Variants in TRPM3 observed in about 807,000 individuals in gnomAD.
TRPM3 encodes the protein long transient receptor potential channel 3.
TRPM3 carries 77 observed loss-of-function variants against 181.2 expected under a neutral mutation model. The ratio of observed to expected loss-of-function variants is 0.42; its 90% confidence interval spans 0.35 to 0.51. The LOEUF (loss-of-function observed/expected upper bound fraction) is 0.51. Ranked by LOEUF, TRPM3 falls within the 20% of genes least tolerant of loss-of-function variation. TRPM3 has a pLI of 0.01. For synonymous variants in TRPM3, 745 were observed against 796.4 expected, an observed-to-expected ratio of 0.94 and a Z score of 1.09; for missense variants, 1,759 against 2,196.7, an observed-to-expected ratio of 0.80 and a Z score of 3.98.
intron 5 of TRPM3, among the ~76,000 whole-genome samples, chr9:70,836,275 C>T (rs907059427): frequency 3.3e-5 from 5 of 152,084 alleles, no homozygotes; most frequent in East Asian, 1.9e-4. Flanking sequence ...TGTCCCATGT[C>T]CCTTTCTGCT....
At chr9:70,939,028 A>T (rs902008670) in intron 1 of TRPM3, among the ~76,000 whole-genome samples, 1 of 152,180 alleles carries the variant, frequency 6.6e-6, no homozygotes, top group Non-Finnish European at 1.5e-5. Flanking sequence ...TTCACTTTGC[A>T]TAATACAATA....
chr9:71,105,445 C>G (rs935666966), intron 1 of TRPM3, among the ~76,000 whole-genome samples: 2 of 152,154 alleles, frequency 1.3e-5, no homozygotes, highest in African/African-American at 2.4e-5. Context: ...AGCTACAGGA[C>G]AGCTTAGACC....
At chr9:71,031,962 T>TA (rs368919012) in intron 1 of TRPM3, among the ~76,000 whole-genome samples, 2 of 3,360 alleles carry the variant, frequency 6.0e-4, no homozygotes, top group African/African-American at 5.9e-3. Context: ...TATATAATTA[T>TA]ATATATATAT....
intron 1 of TRPM3, among the ~76,000 whole-genome samples, chr9:71,301,383 A>G (rs1466716555): frequency 6.6e-6 from 1 of 152,110 alleles, no homozygotes; most frequent in East Asian, 1.9e-4. Flanking sequence ...TTACACATTG[A>G]TTACTCCTCT....
intron 19 of TRPM3, 146 bp from the exon 20 acceptor site, chr9:70,603,616 CAAA>C: frequency 1.3e-6 from 1 of 757,646 alleles, no homozygotes; most frequent in Non-Finnish European, 2.0e-6. Context: ...GCTAAACTAA[CAAA>C]AGAATTAGAA....
At chr9:71,246,360 T>C (rs1004934422) in intron 1 of TRPM3, among the ~76,000 whole-genome samples, 11 of 152,336 alleles carry the variant, frequency 7.2e-5, no homozygotes, top group Admixed American at 2.0e-4. Context: ...GATTTGTGAA[T>C]GGACAAAATC....
rs141574862 is a variant in TRPM3, at chr9:70,554,062, A to G, written c.3224-752T>C. On this transcript the variant is annotated intron_variant, in intron 22 of 25. Coordinates refer to ENST00000677713, the MANE Select transcript of TRPM3 (RefSeq NM_001366145.2). ...CCTAACTGCAGTGGATAAATGGGCA[A>G]ATGGGGGGAAAAAAAAAGCCTGGAG... 1.1e-4 allele frequency among the ~76,000 whole-genome samples: 17 copies of G among 149,986 alleles called. 2 individuals carry two copies. In the East Asian group the frequency reaches 3.5e-3, roughly 31 times the overall value.
chr9:71,366,703 A>T lies in TRPM3; in HGVS notation c.183+79950T>A, dbSNP rs532530536. 4.6e-5 allele frequency among the ~76,000 whole-genome samples: 7 copies of T among 152,276 alleles called. No homozygotes were observed. The East Asian group carries it at 1.2e-3, about 25-fold the overall frequency. On this transcript the variant is annotated intron_variant, in intron 1 of 24. Coordinates refer to the TRPM3 transcript ENST00000357533. ...GCTTCTGTTTGTATATTTAAAATTTATATACATATTTTTTATTACATGACA... is the reference window on the plus strand; with the variant it reads ...GCTTCTGTTTGTATATTTAAAATTTTTATACATATTTTTTATTACATGACA...
intron 1 of TRPM3, among the ~76,000 whole-genome samples, chr9:70,968,644 A>G (rs1000945772): frequency 3.3e-5 from 5 of 152,206 alleles, no homozygotes; most frequent in Non-Finnish European, 7.3e-5. Context: ...TTCAGAGAAA[A>G]GGAGAAGAAA....
Position 71,247,162 on chromosome 9 carries a change from T to C in TRPM3, c.183+199491A>G, listed in dbSNP as rs1044308837. Among the ~76,000 whole-genome samples the C allele has an allele frequency of 2.0e-5, 3 of 152,230 alleles. No individual in the cohort carries two copies. In the South Asian group the frequency reaches 6.2e-4, roughly 32 times the overall value. ...ACAGGCCTGAGCCACCTGACCAGCC[T>C]GACCAACATGGTGAAATACTGTCTG... On this transcript the variant is annotated intron_variant, in intron 1 of 24. Transcript: ENST00000357533.
chr9:71,139,745 T>G (rs916353068), intron 1 of TRPM3, among the ~76,000 whole-genome samples: 27 of 152,174 alleles, frequency 1.8e-4, no homozygotes, highest in African/African-American at 6.0e-4. Flanking sequence ...ATAATAATCC[T>G]TATTCCAACA....
intron 9 of TRPM3, among the ~76,000 whole-genome samples, chr9:70,669,463 G>C (rs2062493065): frequency 6.6e-6 from 1 of 152,172 alleles, no homozygotes; most frequent in Non-Finnish European, 1.5e-5. Context: ...CTTCTGAGGA[G>C]AGATGGGAGT....
intron 8 of TRPM3, among the ~76,000 whole-genome samples, chr9:70,685,598 G>C (rs546163563): frequency 2.6e-4 from 40 of 152,126 alleles, no homozygotes; most frequent in African/African-American, 9.6e-4. Flanking sequence ...TAGAGATGGG[G>C]GTCTCACTAT....
intron 5 of TRPM3, among the ~76,000 whole-genome samples, chr9:70,829,012 T>A (rs2093729514): frequency 6.6e-6 from 1 of 152,096 alleles, no homozygotes; most frequent in Non-Finnish European, 1.5e-5. Flanking sequence ...AGGTAAGAAC[T>A]GCCCTCAAGA....
intron 1 of TRPM3, among the ~76,000 whole-genome samples, chr9:71,270,328 C>A (rs2083696390): frequency 6.6e-6 from 1 of 152,148 alleles, no homozygotes; most frequent in African/African-American, 2.4e-5. Flanking sequence ...CTAGCCTGGG[C>A]GACAAGAGCG....
intron 1 of TRPM3, among the ~76,000 whole-genome samples, chr9:71,108,645 G>A (rs887566423): frequency 9.9e-5 from 15 of 152,246 alleles, no homozygotes; most frequent in African/African-American, 3.6e-4. Context: ...AATAATAGAC[G>A]AAGCTAACTT....
intron 1 of TRPM3, among the ~76,000 whole-genome samples, chr9:71,352,502 C>T (rs113504202): frequency 0.014 from 2,138 of 152,090 alleles, 23 homozygotes; most frequent in Middle Eastern, 0.061. Context: ...TATGCTATTC[C>T]AGCATTTGAC....
Position 70,827,836 on chromosome 9 carries a change from C to T in TRPM3, c.973+11G>A. 6.2e-7 allele frequency: 1 copy of T among 1,612,884 alleles called. No homozygotes were observed. The highest frequency in any genetic ancestry group is 1.1e-5 in the South Asian group (1 of 90,916). On this transcript the variant is annotated intron_variant, in intron 6 of 25. Coordinates refer to ENST00000677713, the MANE Select transcript of TRPM3 (RefSeq NM_001366145.2). ...CTACGAGCCATGCCAGTGGGAACAA[C>T]CGCTACTTACTTGTGTTTATCTTCT...
At chr9:71,321,631 T>C (rs1384430272) in intron 1 of TRPM3, among the ~76,000 whole-genome samples, 3 of 152,286 alleles carry the variant, frequency 2.0e-5, no homozygotes, top group South Asian at 2.1e-4. Context: ...AAATGTTTCA[T>C]TGATGAAATG....
Sources: allele counts gnomAD v4.1 joint callset (sites outside exome capture counted in the v4.1 genomes callset), GRCh38; gene constraint gnomAD v4.1.1; transcripts MANE v1.5; gene names NCBI Gene and HGNC (gene_info 2026-07-23, HGNC 2026-07-21).